The following MAGI2 variants were observed in gnomAD, a reference collection of about 807,000 sequenced individuals.
The protein encoded by MAGI2 is membrane associated guanylate kinase, WW and PDZ domain containing 2.
MAGI2 carries 35 observed loss-of-function variants against 133.3 expected under a neutral mutation model. That is an observed-to-expected ratio of 0.26 (90% CI 0.20 to 0.35). The LOEUF (loss-of-function observed/expected upper bound fraction) is 0.35. Ranked by LOEUF, MAGI2 falls within the 10% of genes least tolerant of loss-of-function variation. MAGI2 has a pLI of 1.00. For missense variants in MAGI2, 1,636 were observed against 1,863.4 expected (o/e 0.88, Z 2.25); for synonymous variants, 729 against 710.6 (o/e 1.03, Z -0.41).
intron 3 of MAGI2, among the ~76,000 whole-genome samples, chr7:78,580,241 T>G (rs1362738740): frequency 1.3e-5 from 2 of 152,128 alleles, no homozygotes; most frequent in Admixed American, 1.3e-4. Flanking sequence ...AAAAAGAATC[T>G]GACAGTACAG....
chr7:78,292,764 C>G (rs1348248569), intron 9 of MAGI2, among the ~76,000 whole-genome samples: 2 of 152,074 alleles, frequency 1.3e-5, no homozygotes, highest in Non-Finnish European at 2.9e-5. Context: ...GAACAGAGCC[C>G]CTGGAAATAA....
In MAGI2 at chr7:78,176,191, T is replaced by A. The variant is rs532035916; in HGVS notation, c.2403+1820A>T. ...TTGTGACATGAGATTCTTAATTTAG[T>A]CTCTGAATAAATTTAAGTCTGAAGT... is the stretch of plus-strand genomic sequence containing the variant. On this transcript the variant is annotated intron_variant, in intron 14 of 21. Coordinates refer to ENST00000354212, the MANE Select transcript of MAGI2 (RefSeq NM_012301.4). 2.6e-5 allele frequency among the ~76,000 whole-genome samples: 4 copies of A among 152,208 alleles called. No individual in the cohort carries two copies. The South Asian group carries it at 6.2e-4, about 24-fold the overall frequency.
At chr7:78,692,568 T>A (rs1817080427) in intron 2 of MAGI2, among the ~76,000 whole-genome samples, 4 of 152,310 alleles carry the variant, frequency 2.6e-5, no homozygotes, top group South Asian at 4.1e-4. Flanking sequence ...GAAGTCAGGG[T>A]TCTGGTTAGA....
chr7:78,432,241 T>G (rs1799865864), intron 6 of MAGI2, among the ~76,000 whole-genome samples: 1 of 151,802 alleles, frequency 6.6e-6, no homozygotes, highest in Admixed American at 6.6e-5. Context: ...GCTTTTCTTT[T>G]TGCCAAAAAC....
chr7:79,134,911 G>T (rs1286711996), intron 1 of MAGI2, among the ~76,000 whole-genome samples: 2 of 152,162 alleles, frequency 1.3e-5, no homozygotes, highest in African/African-American at 4.8e-5. Context: ...TTAATAGAGG[G>T]TTAGATTAGC....
intron 1 of MAGI2, among the ~76,000 whole-genome samples, chr7:79,397,859 A>G (rs1414194993): frequency 3.3e-5 from 5 of 152,152 alleles, no homozygotes; most frequent in Non-Finnish European, 5.9e-5. Context: ...GATATCATAT[A>G]TATTTCAATT....
chr7:79,249,952 C>T (rs576624270), intron 1 of MAGI2, among the ~76,000 whole-genome samples: 4 of 152,144 alleles, frequency 2.6e-5, no homozygotes, highest in African/African-American at 9.6e-5. Context: ...AATCATTTAT[C>T]GTGACCAAAC....
At chr7:78,501,840 A>G (rs899587003) in intron 4 of MAGI2, 53 bp from the exon 5 acceptor site, 4 of 1,342,566 alleles carry the variant, frequency 3.0e-6, no homozygotes, top group Middle Eastern at 2.5e-4. Context: ...GTAACTCTGG[A>G]CTGAGTATGG....
At chr7:78,374,243 T>G (rs542373018) in intron 6 of MAGI2, among the ~76,000 whole-genome samples, 1 of 152,190 alleles carries the variant, frequency 6.6e-6, no homozygotes, top group Non-Finnish European at 1.5e-5. Flanking sequence ...TCTGACTTTT[T>G]ATTAATGGCC....
rs555530515 is a variant in MAGI2, at chr7:78,873,914, G to GA, written c.418+133175dup. Among the ~76,000 whole-genome samples the GA allele has an allele frequency of 7.8e-4, 117 of 149,308 alleles. No homozygotes were observed. The East Asian group carries it at 9.0e-3, about 11-fold the overall frequency. On this transcript the variant is annotated intron_variant, in intron 2 of 21. Transcript: ENST00000354212. ...GATATGGTCACAATGATGTAGAAAAGAAAAAAAAAGTCATTAATTATTTCC... is the reference window on the plus strand; with the variant it reads ...GATATGGTCACAATGATGTAGAAAAGAAAAAAAAAAGTCATTAATTATTTCC...
At chr7:78,572,932 A>G (rs1351916870) in intron 3 of MAGI2, among the ~76,000 whole-genome samples, 1 of 148,918 alleles carries the variant, frequency 6.7e-6, no homozygotes, top group Non-Finnish European at 1.5e-5. Context: ...GATTACAGGC[A>G]TGAGCCACCA....
At chr7:78,422,560 G>T (rs1283123908) in intron 6 of MAGI2, among the ~76,000 whole-genome samples, 2 of 148,256 alleles carry the variant, frequency 1.3e-5, no homozygotes, top group African/African-American at 5.1e-5. Context: ...TTTCTAGAAG[G>T]TGAATGTAAT....
intron 2 of MAGI2, among the ~76,000 whole-genome samples, chr7:78,755,333 A>T (rs966348796): frequency 4.6e-5 from 7 of 152,180 alleles, no homozygotes; most frequent in Non-Finnish European, 8.8e-5. Context: ...TTGTTTTTGG[A>T]AACATACGTA....
chr7:78,359,836 T>C (rs563617092), intron 7 of MAGI2, among the ~76,000 whole-genome samples: 3 of 152,322 alleles, frequency 2.0e-5, no homozygotes, highest in East Asian at 1.9e-4. Context: ...AAAGTGGCAG[T>C]GAGTTAAAAG....
intron 1 of MAGI2, among the ~76,000 whole-genome samples, chr7:79,306,066 G>A (rs996386439): frequency 1.3e-5 from 2 of 150,126 alleles, no homozygotes; most frequent in African/African-American, 4.9e-5. Context: ...GAGTGCAGTG[G>A]CACAGTCATG....
chr7:78,464,070 G>C (rs898482285), intron 6 of MAGI2, among the ~76,000 whole-genome samples: 3 of 152,090 alleles, frequency 2.0e-5, no homozygotes, highest in African/African-American at 7.2e-5. Context: ...TGATATACTG[G>C]AGGTGCTCAA....
At chr7:79,190,888 C>T (rs1175638047) in intron 1 of MAGI2, among the ~76,000 whole-genome samples, 1 of 151,586 alleles carries the variant, frequency 6.6e-6, no homozygotes, top group Non-Finnish European at 1.5e-5. Flanking sequence ...ATGTTTTATT[C>T]TTTAATAGTT....
chr7:78,765,001 T>A (rs534599192), intron 2 of MAGI2, among the ~76,000 whole-genome samples: 26 of 152,310 alleles, frequency 1.7e-4, no homozygotes, highest in African/African-American at 6.0e-4. Context: ...AGTGGGAGAT[T>A]CAGGAAAAGA....
rs570785227 is a variant in MAGI2 at position 79,091,312 on chromosome 7, T to G, written c.302-84106A>C. On this transcript the variant is annotated intron_variant, in intron 1 of 21. Coordinates refer to ENST00000354212, the MANE Select transcript of MAGI2 (RefSeq NM_012301.4). Reference sequence around the variant, plus strand: ...AGAAATCTCACATTTCAATAGTCTATGAAACGTCACACCAAGCATCATAAC... The same window carrying G: ...AGAAATCTCACATTTCAATAGTCTAGGAAACGTCACACCAAGCATCATAAC... Among the ~76,000 whole-genome samples, 14 of 152,246 alleles carry G rather than the reference T, an allele frequency of 9.2e-5. No homozygotes were observed. In the South Asian group the frequency reaches 2.7e-3, roughly 29 times the overall value.
Sources: allele counts gnomAD v4.1 joint callset (sites outside exome capture counted in the v4.1 genomes callset), GRCh38; gene constraint gnomAD v4.1.1; transcripts MANE v1.5; gene names NCBI Gene and HGNC (gene_info 2026-07-23, HGNC 2026-07-21).